Variants in ZFHX3 observed in about 807,000 individuals in gnomAD.
ZFHX3 encodes zinc finger homeobox 3.
ZFHX3 carries 42 observed loss-of-function variants against 279.1 expected under a neutral mutation model. The ratio of observed to expected loss-of-function variants is 0.15; its 90% CI spans 0.12 to 0.19. The LOEUF is 0.19. Ranked by LOEUF, ZFHX3 falls within the 10% of genes least tolerant of loss-of-function variation. ZFHX3 has a pLI of 1.00. For missense variants in ZFHX3, 4,981 were observed against 4,754.0 expected, an observed-to-expected ratio of 1.05 and a Z score of -1.40; for synonymous variants, 2,293 against 1,957.8, an observed-to-expected ratio of 1.17 and a Z score of -4.52.
In ZFHX3 at chr16:72,787,260, G is replaced by A. The variant is rs1227372757; in HGVS notation, c.11016C>T (p.Ser3672=). 5.6e-6 allele frequency: 9 copies of A among 1,613,848 alleles called. No homozygotes were observed. Among genetic ancestry groups the A allele is most frequent in the South Asian group, 1.1e-5 (1 of 91,064 alleles). Residue 3672 remains serine (S), a synonymous_variant, in exon 10 of 10, where the codon TCC becomes TCT. Transcript: ENST00000268489. ...EESDTDLSQK[S]DGPASPVEGP... Reference sequence around the variant, plus strand: ...CCTCCACCGGGCTCGCCGGTCCGTCGGACTTTTGGCTGAGATCCGTGTCAG... The same window carrying A: ...CCTCCACCGGGCTCGCCGGTCCGTCAGACTTTTGGCTGAGATCCGTGTCAG...
intron 3 of ZFHX3, among the ~76,000 whole-genome samples, chr16:72,902,862 G>A (rs1286354986): frequency 1.3e-5 from 2 of 152,162 alleles, no homozygotes; most frequent in African/African-American, 4.8e-5. Context: ...CTCAAAGTCT[G>A]ACAGTCGCGC....
rs149177140 is a variant in ZFHX3 at position 73,167,319 on chromosome 16, C to G, written c.-1103-23488G>C. On this transcript the variant is annotated intron_variant, in intron 5 of 17. Coordinates refer to the ZFHX3 transcript ENST00000641206. ...AAACTTCCATTCTGGACCAGCCCCC[C>G]TCCCTCCCAGCCACACGTTTAATCC... 7.4e-3 allele frequency among the ~76,000 whole-genome samples: 1,124 copies of G among 152,342 alleles called. 13 individuals are homozygous for G. The highest frequency in any genetic ancestry group is 0.026 in the African/African-American group (1,074 of 41,576).
intron 7 of ZFHX3, among the ~76,000 whole-genome samples, chr16:72,806,449 C>A (rs1225439178): frequency 6.6e-6 from 1 of 152,100 alleles, no homozygotes; most frequent in Non-Finnish European, 1.5e-5. Context: ...TGGCAGTATA[C>A]CAAGGTCACT....
intron 4 of ZFHX3, among the ~76,000 whole-genome samples, chr16:73,302,821 T>C (rs914958333): frequency 9.9e-5 from 15 of 152,128 alleles, no homozygotes; most frequent in African/African-American, 3.6e-4. Context: ...AGTGGCCACA[T>C]CCCTCAGGAC....
chr16:73,676,560 T>C (rs2142190523), intron 2 of ZFHX3, among the ~76,000 whole-genome samples: 1 of 151,536 alleles, frequency 6.6e-6, no homozygotes, highest in Middle Eastern at 3.4e-3. Flanking sequence ...GAACGAAAAA[T>C]AATAAAAGAC....
intron 2 of ZFHX3, among the ~76,000 whole-genome samples, chr16:73,505,649 G>A (rs825837): frequency 0.23 from 34,763 of 151,978 alleles, 4,603 homozygotes; most frequent in East Asian, 0.61. Flanking sequence ...TAAAGGAGCC[G>A]ACACTTAATG....
chr16:73,576,960 T>C (rs563711968), intron 2 of ZFHX3, among the ~76,000 whole-genome samples: 2 of 152,280 alleles, frequency 1.3e-5, no homozygotes, highest in African/African-American at 4.8e-5. Context: ...ATCCATGGGA[T>C]CTTTTAGTTA....
chr16:73,383,006 G>A (rs919800192), intron 3 of ZFHX3, among the ~76,000 whole-genome samples: 19 of 152,198 alleles, frequency 1.2e-4, no homozygotes, highest in African/African-American at 4.1e-4. Context: ...GGAGACAGGG[G>A]ATGAAACTGA....
rs867312536 is a variant in ZFHX3, at chr16:73,762,022, A to T, written c.-1607-81782T>A. Among the ~76,000 whole-genome samples, 17 of 152,264 alleles carry T rather than the reference A, an allele frequency of 1.1e-4. 1 individual carries two copies. The highest frequency in any genetic ancestry group is 3.9e-4 in the Admixed American group (6 of 15,296). On this transcript the variant is annotated intron_variant, in intron 1 of 17. Transcript: ENST00000641206. ...CTGAAGAGCTTCTGACAGAAAAAGA[A>T]ACTATCATCAGAGCAAACAGACAAC...
At chr16:73,203,695 T>C (rs1259606528) in intron 5 of ZFHX3, among the ~76,000 whole-genome samples, 1 of 152,206 alleles carries the variant, frequency 6.6e-6, no homozygotes, top group Non-Finnish European at 1.5e-5. Flanking sequence ...TGGGGATAGG[T>C]GAATGCTCAT....
At position 72,786,747 on chromosome 16, in the gene ZFHX3, TAA is replaced by T. The variant is rs1184213782; in HGVS notation, c.*415_*416del. On this transcript the variant is annotated 3_prime_UTR_variant, in exon 10 of 10. Transcript: ENST00000268489. ...TAAGATAGCAAGAAATTTAAAACTG[TAA>T]CAAGGTGGACTGCTTTCCCATACAG... 1 of 152,774 alleles carries T rather than the reference TAA, an allele frequency of 6.5e-6. No homozygotes were observed. 9.5% of individuals were successfully genotyped at this position (152,774 alleles called of 1,614,324 possible).
At chr16:73,614,726 T>C (rs2052281660) in intron 2 of ZFHX3, among the ~76,000 whole-genome samples, 2 of 152,152 alleles carry the variant, frequency 1.3e-5, no homozygotes, top group African/African-American at 4.8e-5. Context: ...TATGTTTTCA[T>C]GATAAAAACG....
At chr16:73,838,348 T>A (rs915644898) in intron 1 of ZFHX3, among the ~76,000 whole-genome samples, 12 of 152,224 alleles carry the variant, frequency 7.9e-5, no homozygotes, top group African/African-American at 2.9e-4. Flanking sequence ...AGCATATTTC[T>A]GTCATGTTTA....
At chr16:73,831,575 C>T (rs1363973733) in intron 1 of ZFHX3, among the ~76,000 whole-genome samples, 1 of 152,208 alleles carries the variant, frequency 6.6e-6, no homozygotes, top group African/African-American at 2.4e-5. Context: ...ATTCTGCAGC[C>T]TCTCACAGAT....
intron 2 of ZFHX3, among the ~76,000 whole-genome samples, chr16:73,476,549 C>T (rs376171507): frequency 6.6e-6 from 1 of 152,138 alleles, no homozygotes; most frequent in African/African-American, 2.4e-5. Context: ...ATGGAGTATA[C>T]ACAAATATTT....
chr16:72,805,623 G>A (rs891954555), intron 7 of ZFHX3, among the ~76,000 whole-genome samples: 1 of 152,234 alleles, frequency 6.6e-6, no homozygotes, highest in Non-Finnish European at 1.5e-5. Context: ...GGGCTGAGCA[G>A]TCTAGCTAGT....
chr16:72,996,648 G>A lies in ZFHX3; in HGVS notation c.-49-36454C>T, dbSNP rs76112213. On this transcript the variant is annotated intron_variant, in intron 1 of 9. Coordinates refer to ENST00000268489, the MANE Select transcript of ZFHX3 (RefSeq NM_006885.4). ...GAGGGGCTGGGGGCGTGGGAACCCC[G>A]CCTGTGCAACTCCTTGCATTACCAG... Among the ~76,000 whole-genome samples, 214 of 152,352 alleles carry A rather than the reference G, an allele frequency of 1.4e-3. 1 individual carries two copies. Among genetic ancestry groups the A allele is most frequent in the African/African-American group, 5.0e-3 (207 of 41,586 alleles).
intron 2 of ZFHX3, among the ~76,000 whole-genome samples, chr16:73,627,126 G>A (rs969728092): frequency 2.0e-5 from 3 of 152,156 alleles, no homozygotes; most frequent in African/African-American, 7.2e-5. Context: ...TTCCAAGTTA[G>A]AAGAATACCT....
At chr16:73,447,568 A>C (rs966955163) in intron 3 of ZFHX3, among the ~76,000 whole-genome samples, 6 of 152,170 alleles carry the variant, frequency 3.9e-5, no homozygotes, top group African/African-American at 1.4e-4. Flanking sequence ...CATTGCCTCT[A>C]TAAGGACATT....
Sources: gnomAD v4.1 joint callset for allele counts (sites outside exome capture counted in the v4.1 genomes callset) on GRCh38, gnomAD v4.1.1 for gene constraint, MANE v1.5 for transcripts, NCBI Gene and HGNC (gene_info 2026-07-23, HGNC 2026-07-21) for gene names.